Variants in CFAP47 observed in about 807,000 individuals in gnomAD.
The protein encoded by CFAP47 is cilia- and flagella-associated protein 47.
Under a neutral mutation model 148.1 loss-of-function variants are expected in CFAP47, and 29 were observed. That is an observed-to-expected ratio of 0.20 (90% CI 0.15 to 0.27). The LOEUF is 0.27. CFAP47 is among the 10% of genes least tolerant of loss of function. The pLI is 1.00. For synonymous variants in CFAP47, 664 were observed against 577.3 expected, an observed-to-expected ratio of 1.15 and a Z score of -2.15; for missense variants, 1,872 against 1,697.5, an observed-to-expected ratio of 1.10 and a Z score of -1.81.
At chrX:36,384,295 C>T (rs946365510) in intron 63 of CFAP47, among the ~76,000 whole-genome samples, 3 of 111,218 alleles carry the variant, frequency 2.7e-5, no homozygotes, top group African/African-American at 9.8e-5. Context: ...GAGCCAAGAT[C>T]GTGCCACTGC....
chrX:36,089,529 G>A (rs1480422592), intron 30 of CFAP47, among the ~76,000 whole-genome samples: 1 of 111,718 alleles, frequency 9.0e-6, no homozygotes, highest in Non-Finnish European at 1.9e-5. Flanking sequence ...AGGGTGCACT[G>A]AACTGGGTTG....
rs1569249673 is a variant in CFAP47 at position 36,073,131 on chromosome X, A to G, written c.4466-8A>G. ...AGCCCTTTTTTAACAAACTAATTTTAATTTTAGGAGTGGAAGTACTGCCTG... is the reference window on the plus strand; with the variant it reads ...AGCCCTTTTTTAACAAACTAATTTTGATTTTAGGAGTGGAAGTACTGCCTG... On this transcript the variant is annotated splice_region_variant and splice_polypyrimidine_tract_variant and intron_variant, in intron 28 of 63. Transcript: ENST00000378653. 1.0e-5 allele frequency: 12 copies of G among 1,178,203 alleles called. No homozygotes were observed. Among genetic ancestry groups the G allele is most frequent in the Admixed American group, 6.7e-5 (3 of 44,887 alleles).
In CFAP47 at chrX:36,251,400, T is replaced by C; in HGVS notation, c.7400T>C (p.Leu2467Pro). 2.0e-6 allele frequency: 1 copy of C among 509,336 alleles called. No homozygotes were observed. Among genetic ancestry groups the C allele is most frequent in the East Asian group, 3.6e-5 (1 of 27,429 alleles). The allele number at this position is 509,336 out of a possible 1,213,427, so 42.0% of individuals were successfully genotyped here. ...ACAGTATACCCTTATAAAGAAATTC[T>C]GTACCTGATTCATGTGCGCCCTTGG... is the stretch of plus-strand genomic sequence containing the variant. Reference protein sequence around the residue: ...QITVYPYKEILYLIHVRPWKR... With the variant: ...QITVYPYKEIPYLIHVRPWKR... The change falls in exon 49 of 64, where the codon CTG becomes CCG. Residue 2467 changes from leucine to proline, a missense_variant. Leu to Pro is a moderately conservative substitution (Grantham distance 98). Coordinates refer to ENST00000378653, the MANE Select transcript of CFAP47 (RefSeq NM_001304548.2).
At chrX:35,992,070 G>T (rs1936795968) in intron 17 of CFAP47, 127 bp downstream of exon 17, 1 of 271,670 alleles carries the variant, frequency 3.7e-6, no homozygotes, top group African/African-American at 2.8e-5. Flanking sequence ...CCTGAGTATA[G>T]TTCATCTAGT....
chrX:36,250,532 T>C (rs1940678628), intron 48 of CFAP47, among the ~76,000 whole-genome samples: 1 of 110,562 alleles, frequency 9.0e-6, no homozygotes, highest in Non-Finnish European at 1.9e-5. Context: ...CAACGTACTG[T>C]ATTCTTGAAA....
At chrX:36,178,673 C>T (rs987143975) in intron 39 of CFAP47, among the ~76,000 whole-genome samples, 8 of 111,791 alleles carry the variant, frequency 7.2e-5, no homozygotes, top group African/African-American at 2.6e-4. Context: ...ATTAGCCATT[C>T]GTGACATGAA....
chrX:36,342,647 T>G lies in CFAP47; in HGVS notation c.8444-5482T>G, dbSNP rs1602117340. On this transcript the variant is annotated intron_variant, in intron 57 of 63. Transcript: ENST00000378653. ...TGTTTTTTTGATAATTAGTTCCATA[T>G]TAAAACATCAATAACATTAGATAAA... Among the ~76,000 whole-genome samples the G allele has an allele frequency of 3.6e-5, 4 of 111,979 alleles. No homozygotes were observed. The Middle Eastern group carries it at 0.018, about 516-fold the overall frequency.
chrX:36,070,424 G>A lies in CFAP47; in HGVS notation c.4319-1401G>A, dbSNP rs376058525. ...CTTGACACCAGGGTGGGGCTTGGAG[G>A]CTTGGACAATGGACCATATGGAGGA... On this transcript the variant is annotated intron_variant, in intron 27 of 63. Coordinates refer to ENST00000378653, the MANE Select transcript of CFAP47 (RefSeq NM_001304548.2). Among the ~76,000 whole-genome samples, 4 of 110,111 alleles carry A rather than the reference G, an allele frequency of 3.6e-5. No individual in the cohort carries two copies. In the East Asian group the frequency reaches 1.1e-3, roughly 31 times the overall value.
At chrX:36,371,082 G>C (rs1399162136) in intron 62 of CFAP47, among the ~76,000 whole-genome samples, 1 of 111,439 alleles carries the variant, frequency 9.0e-6, no homozygotes, top group African/African-American at 3.3e-5. Context: ...TATCAAAATA[G>C]GTTACCTATT....
At chrX:36,067,718 A>T (rs1422162993) in intron 27 of CFAP47, among the ~76,000 whole-genome samples, 3 of 102,362 alleles carry the variant, frequency 2.9e-5, no homozygotes, top group Non-Finnish European at 3.9e-5. Flanking sequence ...GCTGGAGTGC[A>T]GTGGCATGAT....
intron 45 of CFAP47, among the ~76,000 whole-genome samples, chrX:36,210,549 A>G (rs940493480): frequency 8.0e-5 from 9 of 112,373 alleles, no homozygotes; most frequent in Non-Finnish European, 1.5e-4. Flanking sequence ...TTAAAAATTT[A>G]GTTGTCTTTT....
chrX:36,241,197 G>T (rs1555995954), intron 48 of CFAP47, among the ~76,000 whole-genome samples: 1 of 111,983 alleles, frequency 8.9e-6, no homozygotes. Flanking sequence ...AGGACTCCAT[G>T]TCCCCATGGA....
intron 42 of CFAP47, among the ~76,000 whole-genome samples, chrX:36,192,837 A>G (rs1372102140): frequency 8.9e-6 from 1 of 111,816 alleles, no homozygotes; most frequent in Non-Finnish European, 1.9e-5. Flanking sequence ...TCCCAGAATA[A>G]CTTATGTGAA....
At chrX:36,025,291 G>A (rs10127054) in intron 22 of CFAP47, among the ~76,000 whole-genome samples, 6,048 of 110,783 alleles carry the variant, frequency 0.055, 452 homozygotes, top group African/African-American at 0.19. Flanking sequence ...GGGTTGTACC[G>A]TTTTACTCCC....
At chrX:36,231,550 A>G (rs1267410797) in intron 46 of CFAP47, among the ~76,000 whole-genome samples, 14 of 111,309 alleles carry the variant, frequency 1.3e-4, no homozygotes, top group African/African-American at 3.3e-4. Context: ...CAATCATGTC[A>G]TCTGCAAACA....
chrX:35,955,074 T>C (rs1450331067), intron 7 of CFAP47, among the ~76,000 whole-genome samples: 1 of 111,916 alleles, frequency 8.9e-6, no homozygotes, highest in Non-Finnish European at 1.9e-5. Context: ...ATCACACACC[T>C]TTTATTCTCT....
intron 15 of CFAP47, among the ~76,000 whole-genome samples, chrX:35,985,624 C>T (rs1188926563): frequency 9.0e-6 from 1 of 111,234 alleles, no homozygotes; most frequent in Non-Finnish European, 1.9e-5. Flanking sequence ...GGTTGGGCAT[C>T]CAAGGCTGTG....
intron 33 of CFAP47, among the ~76,000 whole-genome samples, chrX:36,129,072 G>T (rs2146821796): frequency 9.1e-6 from 1 of 109,920 alleles, no homozygotes; most frequent in South Asian, 3.8e-4. Context: ...TCACTGATAA[G>T]ACCATCTAGA....
chrX:36,241,780 A>G (rs144148496), intron 48 of CFAP47, among the ~76,000 whole-genome samples: 1,819 of 112,016 alleles, frequency 0.016, 35 homozygotes, highest in African/African-American at 0.056. Context: ...TTTCTCTGCA[A>G]GGCCAGTCTA....
Sources: allele counts gnomAD v4.1 joint callset (sites outside exome capture counted in the v4.1 genomes callset), GRCh38; gene constraint gnomAD v4.1.1; transcripts MANE v1.5; gene names NCBI Gene and HGNC (gene_info 2026-07-23, HGNC 2026-07-21).